AGBL4: variants seen among roughly 807,000 people sequenced by gnomAD.
The protein encoded by AGBL4 is cytosolic carboxypeptidase 6.
AGBL4 carries 58 observed loss-of-function variants against 66.4 expected under a neutral mutation model. The ratio of observed to expected loss-of-function variants is 0.87; its 90% CI spans 0.71 to 1.09. The LOEUF (loss-of-function observed/expected upper bound fraction) is 1.09, where lower values mean the gene tolerates loss of function less well. Ranked by LOEUF, AGBL4 falls within the 50% of genes least tolerant of loss-of-function variation. The probability of loss-of-function intolerance (pLI) is 0.00; values close to 1 mark genes in which losing one functional copy is unlikely to be tolerated. For missense variants in AGBL4, 579 were observed against 631.0 expected, an observed-to-expected ratio of 0.92 and a Z score of 0.88; for synonymous variants, 234 against 222.9, an observed-to-expected ratio of 1.05 and a Z score of -0.44.
intron 3 of AGBL4, among the ~76,000 whole-genome samples, chr1:49,321,836 A>G (rs1284243396): frequency 6.6e-6 from 1 of 152,196 alleles, no homozygotes; most frequent in Admixed American, 6.5e-5. Flanking sequence ...TAATGTGATT[A>G]TCGTTGGCCA....
At chr1:50,017,338 C>T (rs1662062517) in intron 1 of AGBL4, 1 of 152,120 alleles carries the variant, frequency 6.6e-6, no homozygotes, top group Non-Finnish European at 1.5e-5. Flanking sequence ...ATCTGGCATA[C>T]TTCTCCTTAC....
At chr1:49,931,741 T>C (rs935253373) in intron 1 of AGBL4, among the ~76,000 whole-genome samples, 2 of 152,148 alleles carry the variant, frequency 1.3e-5, no homozygotes, top group Non-Finnish European at 2.9e-5. Flanking sequence ...CCACTGAGTA[T>C]CATTTTAGAA....
intron 2 of AGBL4, among the ~76,000 whole-genome samples, chr1:49,741,360 G>T (rs1046065625): frequency 6.6e-6 from 1 of 152,080 alleles, no homozygotes; most frequent in Non-Finnish European, 1.5e-5. Flanking sequence ...TGAAGAAGTT[G>T]AATCTCTGAA....
chr1:49,395,976 C>G (rs984325865), intron 3 of AGBL4, among the ~76,000 whole-genome samples: 1 of 150,940 alleles, frequency 6.6e-6, no homozygotes, highest in African/African-American at 2.4e-5. Flanking sequence ...GACACTCTGT[C>G]TATTCTCTCC....
At chr1:48,728,732 G>A (rs1647615412) in intron 6 of AGBL4, among the ~76,000 whole-genome samples, 1 of 152,230 alleles carries the variant, frequency 6.6e-6, no homozygotes, top group Admixed American at 6.5e-5. Flanking sequence ...ATGTTAAGAT[G>A]TGTGCATATT....
chr1:49,772,537 G>C (rs545590831), intron 2 of AGBL4, among the ~76,000 whole-genome samples: 24 of 152,200 alleles, frequency 1.6e-4, no homozygotes, highest in Admixed American at 1.4e-3. Context: ...AGTATTTCTT[G>C]TAAGGCCAGT....
At chr1:49,125,765 A>G (rs1645752484) in intron 4 of AGBL4, among the ~76,000 whole-genome samples, 1 of 152,146 alleles carries the variant, frequency 6.6e-6, no homozygotes, top group South Asian at 2.1e-4. Context: ...AGGGTAGATG[A>G]CTTTACCAAG....
At chr1:48,540,265 A>G (rs1333464104) in intron 11 of AGBL4, among the ~76,000 whole-genome samples, 2 of 152,156 alleles carry the variant, frequency 1.3e-5, no homozygotes, top group Non-Finnish European at 1.5e-5. Context: ...TGCACCTTGA[A>G]ATTCCTCTGA....
intron 5 of AGBL4, among the ~76,000 whole-genome samples, chr1:48,944,193 C>T (rs1486786981): frequency 6.6e-6 from 1 of 152,072 alleles, no homozygotes; most frequent in Middle Eastern, 3.2e-3. Context: ...GGTGGGGTGG[C>T]CAGCTGGGAC....
chr1:49,810,571 G>A (rs191326235), intron 2 of AGBL4, among the ~76,000 whole-genome samples: 1 of 151,984 alleles, frequency 6.6e-6, no homozygotes, highest in Admixed American at 6.6e-5. Context: ...ATATAAAGAA[G>A]GCATTTCTAA....
At chr1:48,930,148 C>T (rs12734540) in intron 5 of AGBL4, among the ~76,000 whole-genome samples, 4,824 of 152,156 alleles carry the variant, frequency 0.032, 168 homozygotes, top group East Asian at 0.21. Flanking sequence ...GGCCCAAATA[C>T]GATCACATAC....
chr1:48,530,807 T>C (rs1643900440), downstream of AGBL4, among the ~76,000 whole-genome samples: 1 of 152,190 alleles, frequency 6.6e-6, no homozygotes, highest in African/African-American at 2.4e-5. Context: ...ACTTTTTGCA[T>C]AGTTGTCTGT....
At chr1:48,924,114 C>T (rs897727049) in intron 5 of AGBL4, among the ~76,000 whole-genome samples, 1 of 152,038 alleles carries the variant, frequency 6.6e-6, no homozygotes, top group Non-Finnish European at 1.5e-5. Flanking sequence ...TATAGCTTTA[C>T]AAGCATCTTT....
chr1:49,840,134 GAT>G (rs1189582735), intron 2 of AGBL4, among the ~76,000 whole-genome samples: 2 of 151,984 alleles, frequency 1.3e-5, no homozygotes, highest in Non-Finnish European at 2.9e-5. Context: ...TTTTATTATT[GAT>G]TCAGTTTCAG....
chr1:49,693,663 A>G (rs933680985), intron 3 of AGBL4, among the ~76,000 whole-genome samples: 18 of 152,030 alleles, frequency 1.2e-4, no homozygotes, highest in African/African-American at 4.3e-4. Flanking sequence ...AATTTACTAT[A>G]TTGCACATTG....
At chr1:49,471,139 T>G (rs1332516452) in intron 3 of AGBL4, among the ~76,000 whole-genome samples, 1 of 151,966 alleles carries the variant, frequency 6.6e-6, no homozygotes, top group Non-Finnish European at 1.5e-5. Flanking sequence ...CACATAACAA[T>G]CTCTCCTAAA....
chr1:48,937,790 A>C (rs1322784801), intron 5 of AGBL4, among the ~76,000 whole-genome samples: 1 of 152,138 alleles, frequency 6.6e-6, no homozygotes, highest in Non-Finnish European at 1.5e-5. Flanking sequence ...AATTTTAACC[A>C]TGTCTCTGGG....
At chr1:49,825,284 A>G (rs1645480425) in intron 2 of AGBL4, among the ~76,000 whole-genome samples, 1 of 152,176 alleles carries the variant, frequency 6.6e-6, no homozygotes, top group Admixed American at 6.5e-5. Flanking sequence ...TCTTATTTCT[A>G]TTCCATGAAA....
At chr1:49,285,573 A>G (rs1644384862) in intron 3 of AGBL4, among the ~76,000 whole-genome samples, 3 of 152,302 alleles carry the variant, frequency 2.0e-5, no homozygotes, top group Admixed American at 6.5e-5. Context: ...AAAATTAATG[A>G]ATCCAGGAGC....
Sources: allele counts gnomAD v4.1 joint callset (sites outside exome capture counted in the v4.1 genomes callset), GRCh38; gene constraint gnomAD v4.1.1; transcripts MANE v1.5; gene names NCBI Gene and HGNC (gene_info 2026-07-23, HGNC 2026-07-21).